The following TLE5 variants were observed in gnomAD, a reference collection of about 807,000 sequenced individuals.
TLE5 encodes TLE family member 5.
A neutral mutation model predicts 25.8 loss-of-function variants in TLE5; 7 were observed. The ratio of observed to expected loss-of-function variants is 0.27; its 90% CI spans 0.15 to 0.51. The LOEUF is 0.51. Ranked by LOEUF, TLE5 falls within the 20% of genes least tolerant of loss-of-function variation. TLE5 has a pLI of 0.97. For synonymous variants in TLE5, 132 were observed against 110.5 expected, an observed-to-expected ratio of 1.20 and a Z score of -1.22; for missense variants, 149 against 250.7, an observed-to-expected ratio of 0.59 and a Z score of 2.74.
intron 2 of TLE5, among the ~76,000 whole-genome samples, chr19:3,058,924 C>G (rs2090242201): frequency 1.3e-5 from 2 of 152,186 alleles, no homozygotes; most frequent in African/African-American, 4.8e-5. Flanking sequence ...CTGTGTGACT[C>G]TAGGCAAACT....
intron 2 of TLE5, among the ~76,000 whole-genome samples, chr19:3,060,276 C>T (rs2090253296): frequency 6.6e-6 from 1 of 151,882 alleles, no homozygotes; most frequent in African/African-American, 2.4e-5. Context: ...TATGGACACC[C>T]CCGAGGAAAT....
intron 2 of TLE5, among the ~76,000 whole-genome samples, 171 bp from the exon 3 acceptor site, chr19:3,057,913 T>C (rs1028588004): frequency 1.3e-5 from 2 of 152,006 alleles, no homozygotes; most frequent in African/African-American, 2.4e-5. Flanking sequence ...GACGGGGGTC[T>C]CCCTATGTTG....
Position 3,062,061 on chromosome 19 carries a change from C to T in TLE5, c.27+113G>A, listed in dbSNP as rs1599276182. ...AGGGCCGGGGAGTTGGGGGGGGCGC[C>T]GGGCCGGAGGCACCGGGCCTGGGGG... On this transcript the variant is annotated intron_variant, in intron 1 of 6. Transcript: ENST00000327141. 2.3e-5 allele frequency: 5 copies of T among 219,438 alleles called. No homozygotes were observed. In the East Asian group the frequency reaches 1.1e-3, roughly 47 times the overall value. 13.6% of individuals were successfully genotyped at this position (219,438 alleles called of 1,614,324 possible).
At chr19:3,056,713 G>C (rs1275612912) in intron 3 of TLE5, 5 of 411,132 alleles carry the variant, frequency 1.2e-5, no homozygotes, top group Non-Finnish European at 2.4e-5. Flanking sequence ...GTCTGCGGGT[G>C]GGCCCAGACG....
At chr19:3,054,884 A>C (rs1400017252) in intron 5 of TLE5, 1 of 152,394 alleles carries the variant, frequency 6.6e-6, no homozygotes, top group East Asian at 1.9e-4. Flanking sequence ...CCCTGGGCAA[A>C]GCAGGGCACC....
intron 3 of TLE5, chr19:3,056,695 T>C: frequency 4.2e-6 from 2 of 480,296 alleles, no homozygotes; most frequent in African/African-American, 2.0e-5. Context: ...TGTATCTTTC[T>C]ATGTCTTGTC....
At position 3,060,328 on chromosome 19, in the gene TLE5, C is replaced by CTTTTTTT. The variant is rs990199468; in HGVS notation, c.125+825_125+831dup. ...TGGGCTTAAGTTTCTTTTTTTCTTT[C>CTTTTTTT]TTTTTTTTTTTTTTTTTTTTTTTTG... On this transcript the variant is annotated intron_variant, in intron 2 of 6. Transcript: ENST00000327141. 1.8e-3 allele frequency among the ~76,000 whole-genome samples: 168 copies of CTTTTTTT among 93,190 alleles called. 3 individuals are homozygous for CTTTTTTT. The highest frequency in any genetic ancestry group is 6.7e-3 in the African/African-American group (154 of 22,992). 61.1% of individuals were successfully genotyped at this position (93,190 alleles called of 152,430 possible). A position where few individuals can be genotyped will look rare whatever the true frequency, so the allele number is the denominator to read the frequency against.
Position 3,053,961 on chromosome 19 carries a change from G to A in TLE5, c.452C>T (p.Pro151Leu), listed in dbSNP as rs761590170. ...PLTPLPVGLQPPSLPAVSAGT... is the reference protein window; with the variant it reads ...PLTPLPVGLQLPSLPAVSAGT... ...TGCGCTGACCGCCGGCAGCGAAGGC[G>A]GCTGCAGCCCCACGGGTAGTGGGGT... Residue 151 changes from proline (P) to leucine (L), a missense_variant, in exon 7 of 7, where the codon CCG (proline) becomes CTG (leucine). Pro to Leu is a moderately conservative substitution (Grantham distance 98). Coordinates refer to ENST00000327141, the MANE Select transcript of TLE5 (RefSeq NM_001130.6). 11 of 1,611,238 alleles carry A rather than the reference G, an allele frequency of 6.8e-6. No homozygotes were observed. The highest frequency in any genetic ancestry group is 5.3e-5 in the African/African-American group (4 of 74,904).
In TLE5 at chr19:3,053,034, T is replaced by C. The variant is rs2073963551; in HGVS notation, c.*785A>G. 6.6e-6 allele frequency: 1 copy of C among 151,812 alleles called. No homozygotes were observed. The highest frequency in any genetic ancestry group is 2.4e-5 in the African/African-American group (1 of 41,322). 9.4% of individuals were successfully genotyped at this position (151,812 alleles called of 1,614,324 possible). The stretch of plus-strand genomic sequence containing the variant: ...TAAGCTGACTATATACAGACACAGG[T>C]GTGGGTGTTGCTTTTTTTTAAAAAC... On this transcript the variant is annotated 3_prime_UTR_variant, in exon 7 of 7. Coordinates refer to ENST00000327141, the MANE Select transcript of TLE5 (RefSeq NM_001130.6).
intron 1 of TLE5, 89 bp from the exon 2 acceptor site, chr19:3,061,346 G>A (rs62125457): frequency 0.38 from 377,377 of 1,001,162 alleles, 77,632 homozygotes; most frequent in Non-Finnish European, 0.43. Flanking sequence ...GCGCAGCTGC[G>A]GCGCCCCCCC....
upstream of TLE5, chr19:3,062,693 C>T: frequency 6.7e-7 from 1 of 1,498,176 alleles, no homozygotes; most frequent in East Asian, 2.6e-5. Flanking sequence ...CCGCCACCCT[C>T]TCCTACCCGG....
upstream of TLE5, chr19:3,062,713 G>A (rs1039878378): frequency 1.3e-6 from 2 of 1,516,836 alleles, no homozygotes; most frequent in Non-Finnish European, 1.8e-6. Flanking sequence ...GCAGCCGGCC[G>A]GGCCTCGGTT....
chr19:3,062,956 C>T (rs1167693293), upstream of TLE5: 1 of 786,382 alleles, frequency 1.3e-6, no homozygotes, highest in South Asian at 1.6e-5. Context: ...GTGCCAGGCC[C>T]CGCTGCTCCA....
chr19:3,059,987 G>A (rs1468638145), intron 2 of TLE5, among the ~76,000 whole-genome samples: 2 of 152,150 alleles, frequency 1.3e-5, no homozygotes, highest in Non-Finnish European at 2.9e-5. Context: ...AGCACACAGG[G>A]AGTACCCAAA....
chr19:3,061,890 G>A (rs1246360996), intron 1 of TLE5, among the ~76,000 whole-genome samples: 2 of 145,468 alleles, frequency 1.4e-5, no homozygotes, highest in African/African-American at 2.5e-5. Context: ...GCGGGTTGGG[G>A]GGGGGGGGCG....
intron 3 of TLE5, 163 bp from the exon 4 acceptor site, chr19:3,056,519 G>T: frequency 1.7e-6 from 1 of 602,050 alleles, no homozygotes; most frequent in Non-Finnish European, 3.0e-6. Flanking sequence ...AGGGAAAGAG[G>T]AGGGAGAGAC....
At chr19:3,060,328 CTTTTTTTTT>C (rs990199468) in intron 2 of TLE5, among the ~76,000 whole-genome samples, 19 of 93,214 alleles carry the variant, frequency 2.0e-4, no homozygotes, top group African/African-American at 7.4e-4. Context: ...TTTTTTCTTT[CTTTTTTTTT>C]TTTTTTTTTT....
chr19:3,055,103 A>G (rs976265793), intron 5 of TLE5: 2 of 152,370 alleles, frequency 1.3e-5, no homozygotes, highest in Non-Finnish European at 2.9e-5. Context: ...GCTCAGGATC[A>G]CGTGTGCCCA....
intron 3 of TLE5, 174 bp from the exon 4 acceptor site, chr19:3,056,530 G>C: frequency 1.3e-5 from 8 of 595,826 alleles, no homozygotes; most frequent in East Asian, 3.1e-5. Context: ...AGGGAGAGAC[G>C]CCCACACCCA....
Sources: allele counts gnomAD v4.1 joint callset (sites outside exome capture counted in the v4.1 genomes callset), GRCh38; gene constraint gnomAD v4.1.1; transcripts MANE v1.5; gene names NCBI Gene and HGNC (gene_info 2026-07-23, HGNC 2026-07-21).